SLC37A1: variants seen among roughly 807,000 people sequenced by gnomAD.
SLC37A1 encodes glucose-6-phosphate exchanger SLC37A1.
A neutral mutation model predicts 75.3 loss-of-function variants in SLC37A1; 49 were observed. The ratio of observed to expected loss-of-function variants is 0.65; its 90% CI spans 0.52 to 0.83. SLC37A1 has a LOEUF of 0.83. SLC37A1 is among the 40% of genes least tolerant of loss of function. The pLI is 0.00. For missense variants in SLC37A1, 566 were observed against 695.0 expected (o/e 0.81, Z 2.09); for synonymous variants, 268 against 292.1 (o/e 0.92, Z 0.84).
chr21:42,538,885 G>A (rs532935600), intron 5 of SLC37A1, among the ~76,000 whole-genome samples: 4 of 152,290 alleles, frequency 2.6e-5, no homozygotes, highest in Admixed American at 6.5e-5. Flanking sequence ...TTAGTGAATC[G>A]CATTGCTGTT....
intron 7 of SLC37A1, among the ~76,000 whole-genome samples, chr21:42,542,841 C>T (rs1276470302): frequency 3.3e-5 from 5 of 152,376 alleles, no homozygotes; most frequent in South Asian, 2.1e-4. Context: ...GGTCACCCAG[C>T]GCACAGCACC....
chr21:42,531,079 G>A (rs1047187774), intron 3 of SLC37A1, among the ~76,000 whole-genome samples: 7 of 152,160 alleles, frequency 4.6e-5, no homozygotes, highest in African/African-American at 1.2e-4. Context: ...GCTGCTCCCC[G>A]GACGGGATTT....
At chr21:42,572,677 C>CAA (rs552610279) in intron 17 of SLC37A1, among the ~76,000 whole-genome samples, 65 of 80,514 alleles carry the variant, frequency 8.1e-4, no homozygotes, top group African/African-American at 2.2e-3. Context: ...CACACACACA[C>CAA]AAAAAAAAAA....
chr21:42,553,348 T>G (rs1297171125), intron 9 of SLC37A1, among the ~76,000 whole-genome samples: 2 of 152,244 alleles, frequency 1.3e-5, no homozygotes. Flanking sequence ...TAAAGGAAGT[T>G]TGTTTGGACT....
At position 42,565,874 on chromosome 21, in the gene SLC37A1, C is replaced by A. The variant is rs752607098; in HGVS notation, c.1269C>A (p.Ile423=). Residue 423 remains isoleucine (I), a splice_region_variant and synonymous_variant, in exon 15 of 20, where the codon ATC becomes ATA. Coordinates refer to ENST00000352133, the MANE Select transcript of SLC37A1 (RefSeq NM_001320537.2). ...TVSKMGLEAT[I]AMLLLSGALV... ...GCAAGATGGGGCTTGAGGCCACCAT[C>A]GGTGAGTATGGAGGCCTTCCTGCTT... The A allele has an allele frequency of 1.2e-6, 2 of 1,613,644 alleles. No homozygotes were observed. The highest frequency in any genetic ancestry group is 1.3e-5 in the African/African-American group (1 of 74,942).
upstream of SLC37A1, among the ~76,000 whole-genome samples, chr21:42,511,702 T>TG (rs1158080993): frequency 6.6e-6 from 1 of 152,160 alleles, no homozygotes; most frequent in African/African-American, 2.4e-5. Context: ...GAGGATCACT[T>TG]GGGCCTGGGA....
Position 42,568,963 on chromosome 21 carries a change from G to A in SLC37A1, c.1423+525G>A, listed in dbSNP as rs997062220. Among the ~76,000 whole-genome samples the A allele has an allele frequency of 3.3e-5, 5 of 152,258 alleles. No homozygotes were observed. In the East Asian group the frequency reaches 7.7e-4, roughly 23 times the overall value. On this transcript the variant is annotated intron_variant, in intron 17 of 19. Coordinates refer to ENST00000352133, the MANE Select transcript of SLC37A1 (RefSeq NM_001320537.2). The stretch of plus-strand genomic sequence containing the variant: ...TCGCCCATGTGCAGCCTGACGGCAC[G>A]GCTGTGGCCTTCCCTGAGCCCTTGT...
intron 5 of SLC37A1, among the ~76,000 whole-genome samples, chr21:42,538,929 C>CAT (rs1341156545): frequency 1.3e-5 from 2 of 152,222 alleles, no homozygotes; most frequent in African/African-American, 4.8e-5. Context: ...CCCAGCATTT[C>CAT]AGACCTTACC....
At chr21:42,522,000 C>T (rs752280802) in intron 2 of SLC37A1, among the ~76,000 whole-genome samples, 1 of 152,208 alleles carries the variant, frequency 6.6e-6, no homozygotes, top group East Asian at 1.9e-4. Flanking sequence ...CCTTCCTTGC[C>T]TCTTCCAGCT....
chr21:42,515,489 C>T (rs1200872566), intron 1 of SLC37A1, among the ~76,000 whole-genome samples: 1 of 152,112 alleles, frequency 6.6e-6, no homozygotes, highest in Non-Finnish European at 1.5e-5. Flanking sequence ...CACTTCCTAT[C>T]CCCATTATTT....
chr21:42,549,151 C>G (rs922174484), intron 9 of SLC37A1, among the ~76,000 whole-genome samples: 13 of 151,822 alleles, frequency 8.6e-5, no homozygotes, highest in African/African-American at 3.2e-4. Flanking sequence ...CCGGACCAGC[C>G]GTCTTGAGAC....
intron 17 of SLC37A1, among the ~76,000 whole-genome samples, chr21:42,571,890 C>T (rs1327872936): frequency 1.3e-5 from 2 of 152,190 alleles, no homozygotes; most frequent in African/African-American, 2.4e-5. Context: ...ACCCCTTTCA[C>T]GCCATCAGCC....
intron 10 of SLC37A1, 74 bp downstream of exon 10, chr21:42,554,216 C>A: frequency 7.7e-7 from 1 of 1,292,760 alleles, no homozygotes; most frequent in Non-Finnish European, 1.1e-6. Flanking sequence ...CGTCGGCTCT[C>A]TGTCCCTCTG....
At chr21:42,533,100 G>A (rs112379144) in intron 3 of SLC37A1, among the ~76,000 whole-genome samples, 1 of 152,194 alleles carries the variant, frequency 6.6e-6, no homozygotes, top group Non-Finnish European at 1.5e-5. Flanking sequence ...CCTGAAGAGG[G>A]GGGGCAGGAC....
Position 42,535,329 on chromosome 21 carries a change from G to A in SLC37A1, c.272-143G>A, listed in dbSNP as rs375550525. 26 of 665,660 alleles carry A rather than the reference G, an allele frequency of 3.9e-5. 1 individual carries two copies. The highest frequency in any genetic ancestry group is 1.4e-4 in the Admixed American group (5 of 37,028). The allele number at this position is 665,660 out of a possible 1,614,324, so 41.2% of individuals were successfully genotyped here. A position where few individuals can be genotyped will look rare whatever the true frequency, so the allele number is the denominator to read the frequency against. ...CAAGAAACTGAACAGAAAATGCACC[G>A]CCTTGTTTTCTATGTGGAAAACCAC... On this transcript the variant is annotated intron_variant, in intron 4 of 19. Coordinates refer to ENST00000352133, the MANE Select transcript of SLC37A1 (RefSeq NM_001320537.2).
intron 13 of SLC37A1, among the ~76,000 whole-genome samples, chr21:42,564,445 C>T (rs1168421567): frequency 1.3e-5 from 2 of 152,074 alleles, no homozygotes; most frequent in African/African-American, 2.4e-5. Flanking sequence ...AGACTGGCCA[C>T]CTTAGTACCT....
upstream of SLC37A1, among the ~76,000 whole-genome samples, chr21:42,510,702 G>A (rs996477416): frequency 3.3e-5 from 5 of 152,024 alleles, no homozygotes; most frequent in South Asian, 1.0e-3. Flanking sequence ...ACCAAATAGA[G>A]AGCAAAAAAG....
chr21:42,565,709 C>T (rs1474010927), intron 14 of SLC37A1, 118 bp from the exon 15 acceptor site: 2 of 887,864 alleles, frequency 2.3e-6, no homozygotes, highest in African/African-American at 3.3e-5. Flanking sequence ...TTAGGGGTTT[C>T]CACTCTTGGG....
chr21:42,534,198 C>T (rs1046065484), intron 3 of SLC37A1, among the ~76,000 whole-genome samples: 3 of 152,190 alleles, frequency 2.0e-5, no homozygotes, highest in Non-Finnish European at 4.4e-5. Context: ...TGGAATGCTG[C>T]AGTCTGTACT....
Sources: gnomAD v4.1 joint callset for allele counts (sites outside exome capture counted in the v4.1 genomes callset) on GRCh38, gnomAD v4.1.1 for gene constraint, MANE v1.5 for transcripts, NCBI Gene and HGNC (gene_info 2026-07-23, HGNC 2026-07-21) for gene names.